Variants in TMTC1 observed in about 807,000 individuals in gnomAD.
TMTC1 encodes the protein transmembrane O-mannosyltransferase targeting cadherins 1, also known as protein O-mannosyl-transferase TMTC1.
In TMTC1, 73 loss-of-function variants were observed where a neutral mutation model predicts 104.8. The observed-to-expected ratio is 0.70, with a 90% CI of 0.58 to 0.85. TMTC1 has a LOEUF of 0.85. Ranked by LOEUF, TMTC1 falls within the 40% of genes least tolerant of loss-of-function variation. The probability of loss-of-function intolerance (pLI) is 0.00; values close to 1 mark genes in which losing one functional copy is unlikely to be tolerated. For missense variants in TMTC1, 1,035 were observed against 1,096.1 expected, an observed-to-expected ratio of 0.94 and a Z score of 0.79; for synonymous variants, 434 against 428.7, an observed-to-expected ratio of 1.01 and a Z score of -0.15.
intron 5 of TMTC1, among the ~76,000 whole-genome samples, chr12:29,679,410 T>C (rs1940838402): frequency 6.6e-6 from 1 of 152,182 alleles, no homozygotes; most frequent in South Asian, 2.1e-4. Flanking sequence ...TAAACGCTAT[T>C]ATTTTGTAAA....
chr12:29,607,862 TTGGGCGTTGTGAGCTA>T (rs1337936387), intron 6 of TMTC1, among the ~76,000 whole-genome samples: 4 of 152,224 alleles, frequency 2.6e-5, no homozygotes, highest in Non-Finnish European at 4.4e-5. Flanking sequence ...AGTCCATTTT[TTGGGCGTTGTGAGCTA>T]TGAGCTTACA....
intron 1 of TMTC1, among the ~76,000 whole-genome samples, chr12:29,769,431 T>G (rs567228171): frequency 1.4e-3 from 208 of 152,272 alleles, no homozygotes; most frequent in Admixed American, 4.7e-3. Context: ...GGTGGGAAAT[T>G]GCCCATCCAG....
chr12:29,570,978 G>C (rs1256519333), intron 9 of TMTC1, among the ~76,000 whole-genome samples: 1 of 145,248 alleles, frequency 6.9e-6, no homozygotes, highest in Non-Finnish European at 1.5e-5. Flanking sequence ...AAGTCTAAAA[G>C]ATTTTGATTG....
At chr12:29,591,736 G>A (rs932224520) in intron 7 of TMTC1, among the ~76,000 whole-genome samples, 1 of 152,154 alleles carries the variant, frequency 6.6e-6, no homozygotes, top group African/African-American at 2.4e-5. Context: ...CTGCTTTTAT[G>A]ATGCACATTC....
intron 7 of TMTC1, among the ~76,000 whole-genome samples, chr12:29,596,056 G>C (rs1414387185): frequency 6.6e-6 from 1 of 151,970 alleles, no homozygotes; most frequent in African/African-American, 2.4e-5. Flanking sequence ...GCCCAGGCTG[G>C]AGTGCAGTGG....
chr12:29,525,368 TAG>T (rs974302437), intron 11 of TMTC1, among the ~76,000 whole-genome samples: 2 of 151,682 alleles, frequency 1.3e-5, no homozygotes, highest in African/African-American at 4.8e-5. Flanking sequence ...GTATTTTTAG[TAG>T]AGACAGGGTT....
chr12:29,577,077 A>G (rs762577347), intron 8 of TMTC1, among the ~76,000 whole-genome samples: 4 of 152,190 alleles, frequency 2.6e-5, no homozygotes, highest in South Asian at 4.1e-4. Context: ...GCAATGCCCA[A>G]TGTTGGCACC....
chr12:29,620,731 C>G (rs186426037), intron 6 of TMTC1, among the ~76,000 whole-genome samples: 1 of 152,222 alleles, frequency 6.6e-6, no homozygotes, highest in Non-Finnish European at 1.5e-5. Context: ...GGAGCATGGC[C>G]TATGGGCCAA....
At chr12:29,584,813 C>T (rs1202364538) in intron 7 of TMTC1, among the ~76,000 whole-genome samples, 2 of 150,916 alleles carry the variant, frequency 1.3e-5, no homozygotes, top group African/African-American at 2.4e-5. Flanking sequence ...TGTATATGTG[C>T]CACATTTTCT....
chr12:29,547,709 T>G (rs1170249240), intron 10 of TMTC1, among the ~76,000 whole-genome samples: 2 of 150,932 alleles, frequency 1.3e-5, no homozygotes, highest in Non-Finnish European at 3.0e-5. Context: ...GGGAGAGGAG[T>G]GAAGAATAAG....
chr12:29,691,592 C>T (rs897249235), intron 5 of TMTC1, among the ~76,000 whole-genome samples: 1 of 143,462 alleles, frequency 7.0e-6, no homozygotes, highest in Non-Finnish European at 1.5e-5. Flanking sequence ...TGACCATTAC[C>T]GGAAGCCAAA....
intron 1 of TMTC1, among the ~76,000 whole-genome samples, chr12:29,768,608 AC>A (rs1247238352): frequency 6.6e-6 from 1 of 152,164 alleles, no homozygotes; most frequent in Admixed American, 6.5e-5. Context: ...TGGAAGCATC[AC>A]CTAATTACCA....
At chr12:29,666,235 T>C (rs1024365378) in intron 5 of TMTC1, 7 of 418,086 alleles carry the variant, frequency 1.7e-5, no homozygotes, top group East Asian at 1.4e-4. Context: ...TTTCTTTTTT[T>C]TTTTTTTTTG....
chr12:29,718,155 G>A (rs146565071), intron 5 of TMTC1, among the ~76,000 whole-genome samples: 12 of 152,216 alleles, frequency 7.9e-5, no homozygotes, highest in African/African-American at 2.9e-4. Flanking sequence ...ACACAAGATT[G>A]AAAATAAGTG....
intron 5 of TMTC1, among the ~76,000 whole-genome samples, chr12:29,664,393 G>A (rs1472409574): frequency 6.6e-6 from 1 of 151,784 alleles, no homozygotes; most frequent in Non-Finnish European, 1.5e-5. Context: ...CTCTTTTTTG[G>A]TAAACACTAG....
chr12:29,631,907 G>T (rs895329996), intron 6 of TMTC1, among the ~76,000 whole-genome samples: 15 of 152,154 alleles, frequency 9.9e-5, no homozygotes, highest in African/African-American at 3.6e-4. Flanking sequence ...GTTATACATG[G>T]ATAACTCAAG....
At chr12:29,554,931 G>A (rs79179241) in intron 10 of TMTC1, among the ~76,000 whole-genome samples, 3,105 of 152,156 alleles carry the variant, frequency 0.02, 51 homozygotes, top group Non-Finnish European at 0.034. Flanking sequence ...CAGTCTTTCA[G>A]AGGCTCCTCT....
At chr12:29,609,049 C>T (rs186534491) in intron 6 of TMTC1, among the ~76,000 whole-genome samples, 7 of 152,304 alleles carry the variant, frequency 4.6e-5, no homozygotes, top group African/African-American at 1.2e-4. Context: ...CGATGATACA[C>T]ACCGCAGGCT....
intron 10 of TMTC1, among the ~76,000 whole-genome samples, chr12:29,541,006 A>G (rs1303733303): frequency 1.3e-5 from 2 of 152,100 alleles, no homozygotes; most frequent in Non-Finnish European, 2.9e-5. Context: ...AAAAAAAATA[A>G]AAACAAACAA....
Sources: gnomAD v4.1 joint callset for allele counts (sites outside exome capture counted in the v4.1 genomes callset) on GRCh38, gnomAD v4.1.1 for gene constraint, MANE v1.5 for transcripts, NCBI Gene and HGNC (gene_info 2026-07-23, HGNC 2026-07-21) for gene names.